The following FREM2 variants were observed in gnomAD, a reference collection of about 807,000 sequenced individuals.
The protein encoded by FREM2 is FRAS1 related extracellular matrix 2.
FREM2 carries 119 observed loss-of-function variants against 219.9 expected under a neutral mutation model. The observed-to-expected ratio is 0.54, with a 90% CI of 0.47 to 0.63. The LOEUF (loss-of-function observed/expected upper bound fraction) is 0.63, where lower values mean the gene tolerates loss of function less well. Ranked by LOEUF, FREM2 falls within the 30% of genes least tolerant of loss-of-function variation. FREM2 has a pLI of 0.00. For synonymous variants in FREM2, 1,562 were observed against 1,522.8 expected, an observed-to-expected ratio of 1.03 and a Z score of -0.60; for missense variants, 4,030 against 3,993.6, an observed-to-expected ratio of 1.01 and a Z score of -0.25.
intron 6 of FREM2, among the ~76,000 whole-genome samples, chr13:38,811,986 G>A (rs1391635266): frequency 6.6e-6 from 1 of 152,118 alleles, no homozygotes; most frequent in Non-Finnish European, 1.5e-5. Flanking sequence ...AGTGTTGGGT[G>A]CATATATATT....
chr13:38,853,336 AC>A (rs1411954723), intron 11 of FREM2, among the ~76,000 whole-genome samples: 43 of 151,532 alleles, frequency 2.8e-4, no homozygotes, highest in African/African-American at 6.5e-4. Context: ...AAAAAAAAAA[AC>A]AAATCAGTTC....
intron 11 of FREM2, among the ~76,000 whole-genome samples, chr13:38,854,048 T>G (rs1050304172): frequency 1.3e-5 from 2 of 151,572 alleles, no homozygotes; most frequent in Non-Finnish European, 1.5e-5. Context: ...TATTAAAAAT[T>G]TAAGGAATAG....
chr13:38,802,829 G>A (rs960214240), intron 6 of FREM2, among the ~76,000 whole-genome samples: 1 of 152,164 alleles, frequency 6.6e-6, no homozygotes, highest in African/African-American at 2.4e-5. Context: ...TATAGGTCGA[G>A]GGGTCTCCTG....
intron 2 of FREM2, 39 bp downstream of exon 2, chr13:38,697,826 G>A: frequency 8.6e-7 from 1 of 1,160,620 alleles, no homozygotes; most frequent in Non-Finnish European, 1.3e-6. Context: ...CGCAAGGAGA[G>A]ACGCTTTTCT....
chr13:38,826,876 ACATCT>A (rs1876308405), intron 6 of FREM2, among the ~76,000 whole-genome samples: 1 of 152,094 alleles, frequency 6.6e-6, no homozygotes, highest in Non-Finnish European at 1.5e-5. Context: ...GCATAAAGTG[ACATCT>A]CATTTTATTT....
In FREM2 at chr13:38,874,581, A is replaced by G; in HGVS notation, c.8276A>G (p.His2759Arg). The change falls in exon 18 of 24, where the codon CAT (histidine) becomes CGT (arginine). Residue 2759 changes from histidine (H) to arginine (R), a missense_variant. His to Arg is a conservative substitution (Grantham distance 29). This residue lies in a region of FREM2 where 928 missense variants were observed against 1,042.9 expected (regional missense o/e 0.89). Transcript: ENST00000280481. ...TTCCATGGCTTATTTGTGCTGTCAC[A>G]TCCCGGTAAGCCCCGTTATCTTTTA... The part of the protein sequence containing the change: ...AQFHGLFVLS[H>R]PASFTSSVIM... 6.2e-7 allele frequency: 1 copy of G among 1,613,348 alleles called. No individual in the cohort carries two copies. Among genetic ancestry groups the G allele is most frequent in the Non-Finnish European group, 8.5e-7 (1 of 1,179,266 alleles).
At chr13:38,750,303 A>T (rs1403593056) in intron 2 of FREM2, among the ~76,000 whole-genome samples, 4 of 152,150 alleles carry the variant, frequency 2.6e-5, no homozygotes, top group African/African-American at 9.7e-5. Context: ...TTCTTGTGAT[A>T]ATGAATGGGT....
chr13:38,777,583 G>A (rs1873922124), intron 4 of FREM2, among the ~76,000 whole-genome samples: 1 of 152,188 alleles, frequency 6.6e-6, no homozygotes, highest in Non-Finnish European at 1.5e-5. Flanking sequence ...ATCATGTGAA[G>A]TGTTTAGAAT....
At chr13:38,723,188 T>C (rs570395083) in intron 2 of FREM2, among the ~76,000 whole-genome samples, 18 of 152,028 alleles carry the variant, frequency 1.2e-4, no homozygotes, top group African/African-American at 4.1e-4. Flanking sequence ...TGAGCCGAGA[T>C]TGGGCCACTG....
intron 2 of FREM2, among the ~76,000 whole-genome samples, chr13:38,727,982 A>T (rs1871599399): frequency 6.6e-6 from 1 of 152,188 alleles, no homozygotes; most frequent in African/African-American, 2.4e-5. Context: ...ATTTTCAGGT[A>T]AGCTATATTT....
chr13:38,856,876 A>G (rs867042413), intron 12 of FREM2, among the ~76,000 whole-genome samples: 1 of 152,066 alleles, frequency 6.6e-6, no homozygotes, highest in African/African-American at 2.4e-5. Context: ...TTTGGAATGT[A>G]TTAATTTTTT....
rs112681930 is a variant in FREM2, at chr13:38,802,846, G to T, written c.6019+18038G>T. On this transcript the variant is annotated intron_variant, in intron 6 of 23. Coordinates refer to ENST00000280481, the MANE Select transcript of FREM2 (RefSeq NM_207361.6). Reference sequence around the variant, plus strand: ...TAGGTCGAGGGGTCTCCTGTAGCTGGGATTGTGAAAGTTTGTAGAGGGAAT... The same window carrying T: ...TAGGTCGAGGGGTCTCCTGTAGCTGTGATTGTGAAAGTTTGTAGAGGGAAT... 3.9e-5 allele frequency among the ~76,000 whole-genome samples: 6 copies of T among 152,246 alleles called. No homozygotes were observed. The South Asian group carries it at 8.3e-4, about 21-fold the overall frequency.
chr13:38,847,689 G>T (rs1181071342), intron 7 of FREM2, among the ~76,000 whole-genome samples: 1 of 152,098 alleles, frequency 6.6e-6, no homozygotes, highest in Non-Finnish European at 1.5e-5. Flanking sequence ...TTGCACATTT[G>T]GAGGTAAAGT....
intron 6 of FREM2, among the ~76,000 whole-genome samples, chr13:38,788,951 C>A (rs955855937): frequency 1.3e-5 from 2 of 151,988 alleles, no homozygotes; most frequent in Non-Finnish European, 2.9e-5. Flanking sequence ...TAATGAATTG[C>A]ATTTTTAGAT....
chr13:38,879,415 G>A (rs1489082332), intron 23 of FREM2, among the ~76,000 whole-genome samples: 2 of 152,062 alleles, frequency 1.3e-5, no homozygotes, highest in African/African-American at 2.4e-5. Context: ...GAAAGCAATT[G>A]TGCACAGCTC....
chr13:38,688,664 GGT>G lies in FREM2; in HGVS notation c.1321_1322del (p.Val441HisfsTer10). On this transcript the variant is annotated frameshift_variant, in exon 1 of 24. Coordinates refer to ENST00000280481, the MANE Select transcript of FREM2 (RefSeq NM_207361.6). LOFTEE classifies it high-confidence loss of function. Reference protein sequence around the residue: ...VKPMNTMAPVVTRNTGLILYE... With the variant: ...VKPMNTMAPVXTRNTGLILYE... ...AGCCCATGAACACAATGGCTCCGGT[GGT>G]CACCCGGAATACCGGTCTTATTCTC... is the stretch of plus-strand genomic sequence containing the variant. 1 of 1,614,108 alleles carries G rather than the reference GGT, an allele frequency of 6.2e-7. No homozygotes were observed. Among genetic ancestry groups the G allele is most frequent in the South Asian group, 1.1e-5 (1 of 91,080 alleles).
intron 2 of FREM2, among the ~76,000 whole-genome samples, chr13:38,754,577 A>G (rs1872905102): frequency 6.6e-6 from 1 of 152,134 alleles, no homozygotes; most frequent in Admixed American, 6.6e-5. Flanking sequence ...CCTCATGCAT[A>G]GAATGTGGAA....
intron 15 of FREM2, among the ~76,000 whole-genome samples, chr13:38,862,344 AT>A (rs1421916168): frequency 6.6e-6 from 1 of 152,196 alleles, no homozygotes; most frequent in Non-Finnish European, 1.5e-5. Flanking sequence ...AGGAATCTGC[AT>A]TCCTTCCTTT....
intron 2 of FREM2, among the ~76,000 whole-genome samples, chr13:38,728,853 G>C (rs1871645413): frequency 6.6e-6 from 1 of 151,170 alleles, no homozygotes. Context: ...TATTTATTTT[G>C]AGATGGAGTT....
Sources: gnomAD v4.1 joint callset for allele counts (sites outside exome capture counted in the v4.1 genomes callset) on GRCh38, gnomAD v4.1.1 for gene constraint, gnomAD v4.1.1 regional missense constraint, MANE v1.5 for transcripts, NCBI Gene and HGNC (gene_info 2026-07-23, HGNC 2026-07-21) for gene names.